Variants in BRDT observed in about 807,000 individuals in gnomAD.
BRDT encodes the protein bromodomain testis associated, also known as bromodomain testis-specific protein.
Under a neutral mutation model 113.9 loss-of-function variants are expected in BRDT, and 77 were observed. The ratio of observed to expected loss-of-function variants is 0.68; its 90% CI spans 0.56 to 0.82. The LOEUF (loss-of-function observed/expected upper bound fraction) is 0.82, where lower values mean the gene tolerates loss of function less well. Among genes scored for constraint, BRDT ranks in the 40% least tolerant of loss-of-function variants. The probability of loss-of-function intolerance (pLI) is 0.00; values close to 1 mark genes in which losing one functional copy is unlikely to be tolerated. For missense variants in BRDT, 1,027 were observed against 1,105.4 expected (o/e 0.93, Z 1.01); for synonymous variants, 358 against 366.5 (o/e 0.98, Z 0.26).
chr1:91,950,461 C>CA, intron 1 of BRDT: 1 of 152,642 alleles, frequency 6.6e-6, no homozygotes, highest in Non-Finnish European at 1.5e-5. Context: ...CCGCTCCCCC[C>CA]AAAAAAGAAA....
chr1:91,969,888 G>T (rs1399297352), intron 4 of BRDT, among the ~76,000 whole-genome samples: 12 of 143,678 alleles, frequency 8.4e-5, no homozygotes, highest in Non-Finnish European at 1.5e-4. Flanking sequence ...GAGTGCAATG[G>T]CATGATCTCT....
At chr1:92,008,838 T>C (rs1687557354) in intron 18 of BRDT, among the ~76,000 whole-genome samples, 1 of 152,220 alleles carries the variant, frequency 6.6e-6, no homozygotes, top group South Asian at 2.1e-4. Flanking sequence ...GCTTGATAGC[T>C]GAATTTTAAA....
At chr1:92,011,092 T>A (rs1416720992) in intron 18 of BRDT, among the ~76,000 whole-genome samples, 1 of 152,170 alleles carries the variant, frequency 6.6e-6, no homozygotes, top group East Asian at 1.9e-4. Flanking sequence ...GCCATTGGCT[T>A]TAGCTATAGT....
chr1:92,006,516 G>T (rs55635518), intron 18 of BRDT, among the ~76,000 whole-genome samples: 10,139 of 152,120 alleles, frequency 0.067, 391 homozygotes, highest in African/African-American at 0.096. Flanking sequence ...GCCCAAGCTG[G>T]AGTGCAGTGG....
chr1:91,986,832 A>C (rs544912440), intron 12 of BRDT, among the ~76,000 whole-genome samples: 2 of 152,208 alleles, frequency 1.3e-5, no homozygotes. Flanking sequence ...ATGATTTAGT[A>C]AGTGCAGGAA....
intron 4 of BRDT, among the ~76,000 whole-genome samples, chr1:91,973,746 T>C (rs1044306965): frequency 6.6e-6 from 1 of 152,208 alleles, no homozygotes; most frequent in Non-Finnish European, 1.5e-5. Context: ...TGACTTCCTC[T>C]TTTCCTAATT....
chr1:91,979,497 T>C (rs1684514321), intron 7 of BRDT, 72 bp from the exon 8 acceptor site: 1 of 1,425,120 alleles, frequency 7.0e-7, no homozygotes, highest in African/African-American at 1.4e-5. Context: ...AATGTACTTT[T>C]TGTTAAAAGC....
chr1:91,980,102 T>G (rs1029457256), intron 8 of BRDT, among the ~76,000 whole-genome samples: 1 of 152,256 alleles, frequency 6.6e-6, no homozygotes, highest in East Asian at 1.9e-4. Context: ...GTCTGAAAAA[T>G]CAATGATTAA....
chr1:91,968,653 C>T (rs1378625909), intron 4 of BRDT, among the ~76,000 whole-genome samples: 2 of 152,014 alleles, frequency 1.3e-5, no homozygotes, highest in Admixed American at 6.6e-5. Context: ...GTTAGTATTG[C>T]GTTGGAAGAT....
In BRDT at chr1:92,005,270, A is replaced by G. The variant is rs2101811884; in HGVS notation, c.2746A>G (p.Lys916Glu). 2 of 1,576,158 alleles carry G rather than the reference A, an allele frequency of 1.3e-6. No homozygotes were observed. The highest frequency in any genetic ancestry group is 1.7e-6 in the Non-Finnish European group (2 of 1,167,224). ...CAAAGACCGTGATTTAGCAAGGCAG[A>G]AAGAACAAGAGAGGAGGAGGAGAGA... ...LLKDRDLARQ[K>E]EQERRRREAM... Residue 916 changes from lysine (K) to glutamate (E), a missense_variant, in exon 18 of 19, where the codon AAA becomes GAA. Lys to Glu is a moderately conservative substitution (Grantham distance 56). Coordinates refer to ENST00000399546, the MANE Select transcript of BRDT (RefSeq NM_207189.4).
Position 91,951,989 on chromosome 1 carries a change from G to A in BRDT, c.-38+2307G>A, listed in dbSNP as rs1280447063. ...GCCTGAGTTCAGGAGTTTGAGACCA[G>A]CCTGGGCAATATAGTGAGACCCTAT... On this transcript the variant is annotated intron_variant, in intron 1 of 18. Coordinates refer to ENST00000399546, the MANE Select transcript of BRDT (RefSeq NM_207189.4). Among the ~76,000 whole-genome samples, 3 of 152,218 alleles carry A rather than the reference G, an allele frequency of 2.0e-5. No homozygotes were observed. The East Asian group carries it at 5.8e-4, about 29-fold the overall frequency.
intron 5 of BRDT, among the ~76,000 whole-genome samples, chr1:91,976,705 T>C (rs531117627): frequency 6.6e-6 from 1 of 152,318 alleles, no homozygotes; most frequent in East Asian, 1.9e-4. Context: ...TTCACCTATA[T>C]AGTTTTCTTT....
At chr1:91,985,699 C>T (rs1685155894) in intron 12 of BRDT, among the ~76,000 whole-genome samples, 1 of 126,328 alleles carries the variant, frequency 7.9e-6, no homozygotes, top group Admixed American at 1.0e-4. Context: ...AGTGCAGTGG[C>T]GCCGTCTGGG....
At chr1:91,956,316 C>G (rs76391860) in intron 1 of BRDT, among the ~76,000 whole-genome samples, 9 of 139,584 alleles carry the variant, frequency 6.4e-5, no homozygotes, top group Admixed American at 1.5e-4. Context: ...TGCCCCCCCC[C>G]ACCCCCTGCC....
chr1:91,987,593 G>C (rs930722664), intron 12 of BRDT, among the ~76,000 whole-genome samples: 1 of 152,120 alleles, frequency 6.6e-6, no homozygotes, highest in African/African-American at 2.4e-5. Flanking sequence ...ACCTCAGCCT[G>C]CCTCAGCCTC....
At chr1:91,954,271 ATTTTTTTTTT>A (rs34674557) in intron 1 of BRDT, among the ~76,000 whole-genome samples, 6 of 79,764 alleles carry the variant, frequency 7.5e-5, no homozygotes, top group African/African-American at 1.0e-4. Flanking sequence ...GGTGCTCGGC[ATTTTTTTTTT>A]TTTTTTTTTT....
chr1:92,014,333 A>G lies in BRDT; in HGVS notation c.*59A>G. 1 of 1,166,784 alleles carries G rather than the reference A, an allele frequency of 8.6e-7. No individual in the cohort carries two copies. The highest frequency in any genetic ancestry group is 1.2e-6 in the Non-Finnish European group (1 of 813,866). The allele number at this position is 1,166,784 out of a possible 1,614,324, so 72.3% of individuals were successfully genotyped here. A position where few individuals can be genotyped will look rare whatever the true frequency, so the allele number is the denominator to read the frequency against. On this transcript the variant is annotated 3_prime_UTR_variant, in exon 19 of 19. Transcript: ENST00000399546. ...TGAATGGTAAAAGATCAAAATGCAT[A>G]TGGTAAAATGATTGCTTTCAGATAA...
intron 7 of BRDT, among the ~76,000 whole-genome samples, chr1:91,979,026 C>CAACAAA (rs1553190025): frequency 3.6e-5 from 5 of 138,398 alleles, no homozygotes; most frequent in African/African-American, 1.1e-4. Context: ...ACAACAACAA[C>CAACAAA]AAAAAAAACC....
At chr1:91,967,381 A>AT (rs1287131578) in intron 3 of BRDT, among the ~76,000 whole-genome samples, 1 of 149,216 alleles carries the variant, frequency 6.7e-6, no homozygotes, top group Non-Finnish European at 1.5e-5. Context: ...GATTACAGGC[A>AT]TGCGCAACCG....
Sources: allele counts gnomAD v4.1 joint callset (sites outside exome capture counted in the v4.1 genomes callset), GRCh38; gene constraint gnomAD v4.1.1; transcripts MANE v1.5; gene names NCBI Gene and HGNC (gene_info 2026-07-23, HGNC 2026-07-21).